The following DGKB variants were observed in gnomAD, a reference collection of about 807,000 sequenced individuals.
The protein encoded by DGKB is diacylglycerol kinase beta.
Under a neutral mutation model 114.3 loss-of-function variants are expected in DGKB, and 67 were observed. That is an observed-to-expected ratio of 0.59 (90% CI 0.48 to 0.72). DGKB has a LOEUF of 0.72. DGKB is among the 30% of genes least tolerant of loss of function. The pLI, the probability that DGKB is intolerant of heterozygous loss-of-function variation, is 0.00. For missense variants in DGKB, 907 were observed against 975.2 expected, an observed-to-expected ratio of 0.93 and a Z score of 0.93; for synonymous variants, 398 against 323.1, an observed-to-expected ratio of 1.23 and a Z score of -2.49.
rs1467439076 is a variant in DGKB at position 14,315,935 on chromosome 7, C to T, written c.2122+22580G>A. Among the ~76,000 whole-genome samples the T allele has an allele frequency of 9.5e-3, 1,446 of 151,944 alleles. 23 individuals carry two copies. Among genetic ancestry groups the T allele is most frequent in the African/African-American group, 0.033 (1,377 of 41,280 alleles). Reference sequence around the variant, plus strand: ...GAACAGAAATTATAACAAACTGTCTCTCAGACCACAGTGCAATCAAACTAG... The same window carrying T: ...GAACAGAAATTATAACAAACTGTCTTTCAGACCACAGTGCAATCAAACTAG... On this transcript the variant is annotated intron_variant, in intron 23 of 25. Transcript: ENST00000402815.
chr7:14,493,335 C>A (rs960351685), intron 20 of DGKB, among the ~76,000 whole-genome samples: 1 of 151,934 alleles, frequency 6.6e-6, no homozygotes, highest in Non-Finnish European at 1.5e-5. Context: ...ATGGTTTTCC[C>A]TTACATATGT....
At chr7:14,361,483 A>G (rs923927073) in intron 21 of DGKB, among the ~76,000 whole-genome samples, 1 of 151,878 alleles carries the variant, frequency 6.6e-6, no homozygotes, top group Non-Finnish European at 1.5e-5. Context: ...GACTCAGATG[A>G]CTCCCTGAAA....
chr7:14,256,952 G>A (rs1297863202), intron 23 of DGKB, among the ~76,000 whole-genome samples: 2 of 152,026 alleles, frequency 1.3e-5, no homozygotes, highest in South Asian at 2.1e-4. Context: ...AATTGCTGGA[G>A]CCCAGAAGTT....
Position 14,170,153 on chromosome 7 carries a change from G to A in DGKB, c.2304+6686C>T, listed in dbSNP as rs201521702. ...CCATCTCAAAAAAAAAAAAAAGAAA[G>A]AAAGAAAGAAAGAAAGAAAGAAAGA... On this transcript the variant is annotated intron_variant, in intron 25 of 25. Coordinates refer to ENST00000402815, the MANE Select transcript of DGKB (RefSeq NM_001350709.2). Among the ~76,000 whole-genome samples, 231 of 47,360 alleles carry A rather than the reference G, an allele frequency of 4.9e-3. 8 individuals carry two copies. Among genetic ancestry groups the A allele is most frequent in the Admixed American group, 9.5e-3 (34 of 3,584 alleles). 31.1% of individuals were successfully genotyped at this position (47,360 alleles called of 152,430 possible).
intron 20 of DGKB, among the ~76,000 whole-genome samples, chr7:14,543,651 A>G (rs113254135): frequency 2.5e-4 from 38 of 152,206 alleles, no homozygotes; most frequent in African/African-American, 8.9e-4. Flanking sequence ...AGTAGTGTGC[A>G]GATAATTAAA....
chr7:14,925,012 A>G (rs949432070), intron 1 of DGKB, among the ~76,000 whole-genome samples: 1 of 152,202 alleles, frequency 6.6e-6, no homozygotes, highest in Admixed American at 6.5e-5. Context: ...TTATATAAAT[A>G]GAATCATACA....
chr7:14,290,186 A>G (rs1801539486), intron 23 of DGKB, among the ~76,000 whole-genome samples: 1 of 152,156 alleles, frequency 6.6e-6, no homozygotes. Flanking sequence ...ATTCCAAGCA[A>G]CTTCAGAGTT....
intron 1 of DGKB, among the ~76,000 whole-genome samples, chr7:14,940,151 C>T (rs568924197): frequency 6.6e-6 from 1 of 152,172 alleles, no homozygotes; most frequent in South Asian, 2.1e-4. Flanking sequence ...GTGCTCATTT[C>T]AGTACTGTGT....
intron 21 of DGKB, among the ~76,000 whole-genome samples, chr7:14,357,437 T>C (rs1421762370): frequency 6.6e-6 from 1 of 152,218 alleles, no homozygotes; most frequent in East Asian, 1.9e-4. Flanking sequence ...TACTTTGCTT[T>C]CCATTTGCTT....
chr7:14,508,258 T>A (rs1787412604), intron 20 of DGKB, among the ~76,000 whole-genome samples: 1 of 152,234 alleles, frequency 6.6e-6, no homozygotes, highest in South Asian at 2.1e-4. Flanking sequence ...TTAAATATTC[T>A]TCCTTGACCT....
chr7:14,915,898 G>A (rs1378707684), intron 1 of DGKB, among the ~76,000 whole-genome samples: 2 of 152,026 alleles, frequency 1.3e-5, no homozygotes, highest in African/African-American at 4.8e-5. Flanking sequence ...CAAAGAAAGA[G>A]TATCAGAGAA....
Position 14,259,443 on chromosome 7 carries a change from A to T in DGKB, c.2122+79072T>A, listed in dbSNP as rs569370641. On this transcript the variant is annotated intron_variant, in intron 23 of 25. Coordinates refer to ENST00000402815, the MANE Select transcript of DGKB (RefSeq NM_001350709.2). The stretch of plus-strand genomic sequence containing the variant: ...TATATATATATGGTTTTGTTTTGTT[A>T]TAAGACGGAGTCTTGCTCTGTCACG... 2.8e-3 allele frequency among the ~76,000 whole-genome samples: 417 copies of T among 150,290 alleles called. 2 individuals carry two copies. The highest frequency in any genetic ancestry group is 9.7e-3 in the African/African-American group (397 of 40,760).
At chr7:14,530,724 A>G (rs894124163) in intron 20 of DGKB, among the ~76,000 whole-genome samples, 2 of 151,554 alleles carry the variant, frequency 1.3e-5, no homozygotes, top group African/African-American at 4.8e-5. Context: ...CTCACAAAGA[A>G]TAATTCATGT....
At chr7:14,547,905 C>T (rs1241350184) in intron 20 of DGKB, among the ~76,000 whole-genome samples, 1 of 152,134 alleles carries the variant, frequency 6.6e-6, no homozygotes, top group Non-Finnish European at 1.5e-5. Flanking sequence ...AGATCCCTTG[C>T]TTTGAAATAT....
chr7:14,843,895 A>AT, intron 1 of DGKB, among the ~76,000 whole-genome samples: 1 of 152,116 alleles, frequency 6.6e-6, no homozygotes, highest in Non-Finnish European at 1.5e-5. Context: ...TCCTAATCAC[A>AT]TGACTGTATT....
At chr7:14,643,219 G>A (rs936351520) in intron 13 of DGKB, among the ~76,000 whole-genome samples, 1 of 152,126 alleles carries the variant, frequency 6.6e-6, no homozygotes, top group African/African-American at 2.4e-5. Context: ...GCAGGAAAAA[G>A]GTAGGTGGGA....
chr7:14,699,089 C>T (rs1266650849), intron 7 of DGKB, among the ~76,000 whole-genome samples: 3 of 151,330 alleles, frequency 2.0e-5, no homozygotes, highest in Non-Finnish European at 4.4e-5. Flanking sequence ...AGCCGTGTTT[C>T]CCTCCGAGGA....
chr7:14,932,923 T>C (rs1342270849), intron 1 of DGKB, among the ~76,000 whole-genome samples: 1 of 152,148 alleles, frequency 6.6e-6, no homozygotes, highest in Non-Finnish European at 1.5e-5. Flanking sequence ...GAAATTGCTA[T>C]TTGGTCGGTC....
At chr7:14,630,848 A>G (rs1809542633) in intron 13 of DGKB, among the ~76,000 whole-genome samples, 3 of 151,882 alleles carry the variant, frequency 2.0e-5, no homozygotes, top group Non-Finnish European at 4.4e-5. Flanking sequence ...AGTCTTCACA[A>G]CTGTGTTTTC....
Sources: gnomAD v4.1 joint callset for allele counts (sites outside exome capture counted in the v4.1 genomes callset) on GRCh38, gnomAD v4.1.1 for gene constraint, MANE v1.5 for transcripts, NCBI Gene and HGNC (gene_info 2026-07-23, HGNC 2026-07-21) for gene names.